The following EML4 variants were observed in gnomAD, a reference collection of about 807,000 sequenced individuals.
The protein encoded by EML4 is EMAP like 4, also known as echinoderm microtubule-associated protein-like 4.
A neutral mutation model predicts 129.0 loss-of-function variants in EML4; 72 were observed. The ratio of observed to expected loss-of-function variants is 0.56; its 90% CI spans 0.46 to 0.68. EML4 has a LOEUF of 0.68. Ranked by LOEUF, EML4 falls within the 30% of genes least tolerant of loss-of-function variation. EML4 has a pLI of 0.00. For synonymous variants in EML4, 532 were observed against 405.0 expected, an observed-to-expected ratio of 1.31 and a Z score of -3.77; for missense variants, 1,363 against 1,190.6, an observed-to-expected ratio of 1.14 and a Z score of -2.13.
At chr2:42,240,473 T>C (rs1674952410) in intron 1 of EML4, among the ~76,000 whole-genome samples, 1 of 152,174 alleles carries the variant, frequency 6.6e-6, no homozygotes, top group South Asian at 2.1e-4. Context: ...TTTTTAAAAG[T>C]GTGTTTTGGT....
intron 21 of EML4, among the ~76,000 whole-genome samples, chr2:42,327,528 T>C (rs1477910587): frequency 6.6e-6 from 1 of 152,206 alleles, no homozygotes; most frequent in East Asian, 1.9e-4. Flanking sequence ...CGTGTGGATG[T>C]CTAGTTGCCT....
At chr2:42,283,183 C>T (rs1166447539) in intron 8 of EML4, among the ~76,000 whole-genome samples, 1 of 152,228 alleles carries the variant, frequency 6.6e-6, no homozygotes, top group African/African-American at 2.4e-5. Flanking sequence ...AACACATCCT[C>T]CATAAATCAT....
rs1228142033 is a variant in EML4 at position 42,169,442 on chromosome 2, C to T, written c.-170C>T. 1.1e-5 allele frequency: 7 copies of T among 619,846 alleles called. No individual in the cohort carries two copies. Among genetic ancestry groups the T allele is most frequent in the South Asian group, 6.8e-5 (3 of 44,128 alleles). The allele number at this position is 619,846 out of a possible 1,614,324, so 38.4% of individuals were successfully genotyped here. ...CGTGACGGGGAAGTGGTTCGGGCGGCCGCGGCTTACTACCCCAGGGCGAAC... is the reference window on the plus strand; with the variant it reads ...CGTGACGGGGAAGTGGTTCGGGCGGTCGCGGCTTACTACCCCAGGGCGAAC... On this transcript the variant is annotated 5_prime_UTR_variant, in exon 1 of 23. Coordinates refer to ENST00000318522, the MANE Select transcript of EML4 (RefSeq NM_019063.5).
At chr2:42,303,273 T>C (rs1429365856) in intron 15 of EML4, 42 bp from the exon 16 acceptor site, 1 of 1,613,844 alleles carries the variant, frequency 6.2e-7, no homozygotes, top group Admixed American at 1.7e-5. Context: ...TTTTTTATGA[T>C]ATTCTTTGGT....
At chr2:42,216,227 CTTCTT>C (rs1673176667) in intron 1 of EML4, among the ~76,000 whole-genome samples, 1 of 124,358 alleles carries the variant, frequency 8.0e-6, no homozygotes, top group Non-Finnish European at 1.6e-5. Context: ...ACCCGGCCCA[CTTCTT>C]TTTTTTTTTT....
At chr2:42,295,033 C>A in intron 11 of EML4, 92 bp from the exon 12 acceptor site, 1 of 1,143,612 alleles carries the variant, frequency 8.7e-7, no homozygotes, top group Non-Finnish European at 1.2e-6. Flanking sequence ...AAAATCTTGC[C>A]CTATCGTTAA....
At position 42,182,125 on chromosome 2, in the gene EML4, CTT is replaced by C. The variant is rs1164289811; in HGVS notation, c.25+12504_25+12505del. 9.2e-3 allele frequency among the ~76,000 whole-genome samples: 950 copies of C among 102,734 alleles called. 9 individuals carry two copies. Among genetic ancestry groups the C allele is most frequent in the African/African-American group, 0.031 (892 of 29,126 alleles). The allele number at this position is 102,734 out of a possible 152,430, so 67.4% of individuals were successfully genotyped here. ...ATCAATCTCCTGTCTCCACTGGTTT[CTT>C]TTTTTTTTTTTTTTATGTAGAAAAA... On this transcript the variant is annotated intron_variant, in intron 1 of 22. Coordinates refer to ENST00000318522, the MANE Select transcript of EML4 (RefSeq NM_019063.5).
At chr2:42,286,977 C>G (rs1667341484) in intron 10 of EML4, among the ~76,000 whole-genome samples, 1 of 152,268 alleles carries the variant, frequency 6.6e-6, no homozygotes, top group Admixed American at 6.5e-5. Context: ...TTTAAACATT[C>G]TGGTTTTTTC....
chr2:42,291,279 A>G (rs1227858510), intron 11 of EML4, among the ~76,000 whole-genome samples: 1 of 152,192 alleles, frequency 6.6e-6, no homozygotes, highest in Non-Finnish European at 1.5e-5. Context: ...AAAAACAGTA[A>G]AGCTTTTAGA....
intron 13 of EML4, among the ~76,000 whole-genome samples, chr2:42,300,428 G>T (rs1312064068): frequency 6.6e-6 from 1 of 152,194 alleles, no homozygotes; most frequent in Non-Finnish European, 1.5e-5. Context: ...TTGCCTAAAA[G>T]ACCTTTTATG....
At chr2:42,237,173 A>G (rs988990809) in intron 1 of EML4, among the ~76,000 whole-genome samples, 1 of 152,082 alleles carries the variant, frequency 6.6e-6, no homozygotes, top group African/African-American at 2.4e-5. Flanking sequence ...GAACTCAAGC[A>G]GTCCTCCTCC....
intron 11 of EML4, among the ~76,000 whole-genome samples, chr2:42,293,276 T>C (rs1667757021): frequency 6.6e-6 from 1 of 151,948 alleles, no homozygotes; most frequent in Non-Finnish European, 1.5e-5. Context: ...GCCGGCTAAT[T>C]TACTTTTTGT....
At chr2:42,251,004 G>C (rs1675730639) in intron 2 of EML4, among the ~76,000 whole-genome samples, 1 of 152,138 alleles carries the variant, frequency 6.6e-6, no homozygotes, top group African/African-American at 2.4e-5. Flanking sequence ...GCTCCTATGA[G>C]AATCTAATAC....
At chr2:42,210,986 T>C (rs887281266) in intron 1 of EML4, among the ~76,000 whole-genome samples, 2 of 152,250 alleles carry the variant, frequency 1.3e-5, no homozygotes, top group Non-Finnish European at 2.9e-5. Flanking sequence ...TATTAGGAAC[T>C]GAGACTTTCT....
intron 11 of EML4, chr2:42,289,365 A>G (rs995486209): frequency 2.0e-5 from 3 of 152,142 alleles, no homozygotes; most frequent in Non-Finnish European, 2.9e-5. Context: ...GGTGTTCTTC[A>G]GAGTTTTATT....
At chr2:42,189,543 G>A (rs1031575181) in intron 1 of EML4, among the ~76,000 whole-genome samples, 1 of 152,190 alleles carries the variant, frequency 6.6e-6, no homozygotes, top group African/African-American at 2.4e-5. Context: ...TCTTGCTACT[G>A]CACTCCAGGT....
At chr2:42,274,771 T>G (rs1351917200) in intron 6 of EML4, among the ~76,000 whole-genome samples, 1 of 152,032 alleles carries the variant, frequency 6.6e-6, no homozygotes, top group Non-Finnish European at 1.5e-5. Flanking sequence ...CCTCGGAGTA[T>G]CAGATGGCCT....
Position 42,332,511 on chromosome 2 carries a change from TTAAAAAA to T in EML4, c.*2310_*2316del. Reference sequence around the variant, plus strand: ...GTCTCATGGCAGAAAATTTTGAAGATTAAAAAATAAAATAATCAAAATGTTTCCTCTT... The same window carrying T: ...GTCTCATGGCAGAAAATTTTGAAGATTAAAATAATCAAAATGTTTCCTCTT... On this transcript the variant is annotated 3_prime_UTR_variant, in exon 23 of 23. Coordinates refer to ENST00000318522, the MANE Select transcript of EML4 (RefSeq NM_019063.5). 1 of 185,420 alleles carries T rather than the reference TTAAAAAA, an allele frequency of 5.4e-6. No individual in the cohort carries two copies. Among genetic ancestry groups the T allele is most frequent in the East Asian group, 8.7e-5 (1 of 11,526 alleles). 11.5% of individuals were successfully genotyped at this position (185,420 alleles called of 1,614,324 possible). A position where few individuals can be genotyped will look rare whatever the true frequency, so the allele number is the denominator to read the frequency against.
At chr2:42,205,352 C>A (rs188831645) in intron 1 of EML4, among the ~76,000 whole-genome samples, 75 of 152,304 alleles carry the variant, frequency 4.9e-4, no homozygotes, top group East Asian at 7.7e-4. Flanking sequence ...TCTGTCCTTA[C>A]ACATAGTGAA....
Sources: allele counts gnomAD v4.1 joint callset (sites outside exome capture counted in the v4.1 genomes callset), GRCh38; gene constraint gnomAD v4.1.1; transcripts MANE v1.5; gene names NCBI Gene and HGNC (gene_info 2026-07-23, HGNC 2026-07-21).